RALGAPB: variants seen among roughly 807,000 people sequenced by gnomAD.
RALGAPB encodes the protein ral GTPase-activating protein subunit beta.
RALGAPB carries 25 observed loss-of-function variants against 161.1 expected under a neutral mutation model. The ratio of observed to expected loss-of-function variants is 0.16; its 90% CI spans 0.11 to 0.22. The LOEUF is 0.22. RALGAPB is among the 10% of genes least tolerant of loss of function. RALGAPB has a pLI of 1.00. For missense variants in RALGAPB, 1,391 were observed against 1,815.2 expected (o/e 0.77, Z 4.25); for synonymous variants, 629 against 626.1 (o/e 1.00, Z -0.07).
chr20:38,561,857 G>A (rs1034948860), intron 23 of RALGAPB, among the ~76,000 whole-genome samples: 2 of 152,112 alleles, frequency 1.3e-5, no homozygotes, highest in African/African-American at 2.4e-5. Flanking sequence ...AACCAAAAAT[G>A]TCTCCAAATG....
chr20:38,552,140 AT>A (rs11482026), intron 21 of RALGAPB, among the ~76,000 whole-genome samples: 2,690 of 144,844 alleles, frequency 0.019, 75 homozygotes, highest in African/African-American at 0.063. Context: ...GAAAAGGCTG[AT>A]TTTTTTTTTT....
intron 23 of RALGAPB, among the ~76,000 whole-genome samples, chr20:38,559,460 C>G (rs556167639): frequency 6.6e-6 from 1 of 152,098 alleles, no homozygotes; most frequent in South Asian, 2.1e-4. Context: ...TTTGGGAGGC[C>G]GAGGCGGATG....
At chr20:38,498,831 A>G (rs548755647) in intron 4 of RALGAPB, among the ~76,000 whole-genome samples, 1 of 152,132 alleles carries the variant, frequency 6.6e-6, no homozygotes, top group Non-Finnish European at 1.5e-5. Flanking sequence ...CTTTTGCTCC[A>G]TTATTTGTCT....
At chr20:38,545,895 C>G (rs2087146357) in intron 18 of RALGAPB, among the ~76,000 whole-genome samples, 1 of 152,120 alleles carries the variant, frequency 6.6e-6, no homozygotes, top group Non-Finnish European at 1.5e-5. Context: ...ATGCAAGATT[C>G]TAAGATATCA....
intron 5 of RALGAPB, among the ~76,000 whole-genome samples, chr20:38,502,636 A>T (rs896842844): frequency 8.5e-5 from 13 of 152,152 alleles, no homozygotes; most frequent in Non-Finnish European, 1.6e-4. Flanking sequence ...CCTAGTCTGG[A>T]GTGCAGTGGT....
At chr20:38,532,902 C>T in intron 15 of RALGAPB, 43 bp downstream of exon 15, 1 of 1,570,668 alleles carries the variant, frequency 6.4e-7, no homozygotes, top group South Asian at 1.1e-5. Context: ...AATAGAATGA[C>T]TTTAATGCTT....
chr20:38,493,586 A>AT (rs988869920), intron 3 of RALGAPB, among the ~76,000 whole-genome samples: 50 of 151,652 alleles, frequency 3.3e-4, no homozygotes, highest in African/African-American at 7.2e-4. Flanking sequence ...TTTGTTTCTG[A>AT]TTTTTTTTTC....
At chr20:38,541,333 T>G (rs1726310013) in intron 18 of RALGAPB, 141 bp downstream of exon 18, 2 of 914,710 alleles carry the variant, frequency 2.2e-6, no homozygotes, top group Non-Finnish European at 1.5e-6. Flanking sequence ...AGAAATAAAA[T>G]GGGAAGAAAA....
At chr20:38,500,685 C>A (rs1294451723) in intron 5 of RALGAPB, among the ~76,000 whole-genome samples, 1 of 152,114 alleles carries the variant, frequency 6.6e-6, no homozygotes, top group African/African-American at 2.4e-5. Context: ...TGTTGAAAGC[C>A]AAAACAGGCT....
chr20:38,544,902 G>A (rs1192449944), intron 18 of RALGAPB, among the ~76,000 whole-genome samples: 2 of 151,884 alleles, frequency 1.3e-5, no homozygotes, highest in Admixed American at 1.3e-4. Context: ...AAATCCTTGA[G>A]TTTTTTTTCA....
chr20:38,539,515 A>G (rs1256676710), intron 16 of RALGAPB, among the ~76,000 whole-genome samples: 1 of 152,226 alleles, frequency 6.6e-6, no homozygotes, highest in African/African-American at 2.4e-5. Flanking sequence ...ATGAACAGGT[A>G]TACCCAATGG....
rs762776180 is a variant in RALGAPB at position 38,562,565 on chromosome 20, C to G, written c.3565C>G (p.Gln1189Glu). The change falls in exon 24 of 30, where the codon CAG becomes GAG. Residue 1189 changes from glutamine to glutamate, a missense_variant. Gln to Glu is a conservative substitution (Grantham distance 29, BLOSUM62 2). Around this residue, in one of 3 missense-constraint regions of RALGAPB, gnomAD observed 436 missense variants for 527.0 expected, o/e 0.83. Coordinates refer to ENST00000262879, the MANE Select transcript of RALGAPB (RefSeq NM_020336.4). ...LKNVESSRTV[Q>E]PHFLEFLLSL... ...GAATGTGGAGTCTTCCAGAACTGTT[C>G]AGCCACATTTCCTAGAATTTTTGCT... 2.5e-6 allele frequency: 4 copies of G among 1,612,798 alleles called. No individual in the cohort carries two copies. In the African/African-American group the frequency reaches 4.0e-5, roughly 16 times the overall value.
intron 24 of RALGAPB, 114 bp from the exon 25 acceptor site, chr20:38,565,245 A>G: frequency 1.6e-6 from 2 of 1,235,442 alleles, no homozygotes; most frequent in South Asian, 1.8e-5. Flanking sequence ...TTCTTGTTGA[A>G]AACATATATT....
intron 16 of RALGAPB, among the ~76,000 whole-genome samples, chr20:38,537,261 G>T (rs922455105): frequency 2.0e-5 from 3 of 152,108 alleles, no homozygotes; most frequent in Non-Finnish European, 4.4e-5. Flanking sequence ...TTTTCAACCA[G>T]AGGTACTATA....
intron 15 of RALGAPB, among the ~76,000 whole-genome samples, chr20:38,533,183 T>A (rs1403532419): frequency 6.6e-6 from 1 of 152,106 alleles, no homozygotes; most frequent in African/African-American, 2.4e-5. Context: ...GAGCTCACAG[T>A]GTAGTGGCAG....
rs757225288 is a variant in RALGAPB at position 38,554,031 on chromosome 20, C to G, written c.3327C>G (p.Arg1109=). ...PPPAQEFQTA[R]LFLSHFGFLS... ...CTGCCCAGGAATTCCAAACAGCCCG[C>G]CTTTTTCTCTCACACTTTGGATTTT... The change falls in exon 22 of 30, where the codon CGC becomes CGG. Residue 1109 remains arginine (R), a synonymous_variant. Coordinates refer to ENST00000262879, the MANE Select transcript of RALGAPB (RefSeq NM_020336.4). The G allele has an allele frequency of 4.3e-6, 7 of 1,613,820 alleles. No homozygotes were observed. The South Asian group carries it at 7.7e-5, about 18-fold the overall frequency.
chr20:38,546,555 GT>G (rs2087170919), intron 19 of RALGAPB, 125 bp downstream of exon 19: 2 of 1,327,774 alleles, frequency 1.5e-6, no homozygotes, highest in Admixed American at 4.2e-5. Flanking sequence ...ATTTCTAGCT[GT>G]GGGACAATAG....
chr20:38,509,248 A>T, intron 6 of RALGAPB, 40 bp downstream of exon 6: 2 of 1,589,716 alleles, frequency 1.3e-6, no homozygotes, highest in Non-Finnish European at 1.7e-6. Flanking sequence ...TTTACCTAGT[A>T]AGTATCTTAG....
At chr20:38,508,998 T>C in intron 5 of RALGAPB, 79 bp from the exon 6 acceptor site, 1 of 1,478,330 alleles carries the variant, frequency 6.8e-7, no homozygotes, top group Middle Eastern at 1.7e-4. Context: ...TCATCCATTT[T>C]CTCTGTCTTC....
Sources: gnomAD v4.1 joint callset for allele counts (sites outside exome capture counted in the v4.1 genomes callset) on GRCh38, gnomAD v4.1.1 for gene constraint, gnomAD v4.1.1 regional missense constraint, MANE v1.5 for transcripts, NCBI Gene and HGNC (gene_info 2026-07-23, HGNC 2026-07-21) for gene names.